Variants in BRI3BP observed in about 807,000 individuals in gnomAD.
BRI3BP encodes the protein BRI3-binding protein.
BRI3BP carries 7 observed loss-of-function variants against 15.8 expected under a neutral mutation model. That is an observed-to-expected ratio of 0.44 (90% CI 0.25 to 0.83). The LOEUF (loss-of-function observed/expected upper bound fraction) is 0.83. Among genes scored for constraint, BRI3BP ranks in the 40% least tolerant of loss-of-function variants. The pLI is 0.20. For missense variants in BRI3BP, 320 were observed against 339.3 expected, an observed-to-expected ratio of 0.94 and a Z score of 0.45; for synonymous variants, 192 against 163.5, an observed-to-expected ratio of 1.17 and a Z score of -1.33.
At chr12:125,047,718 A>G in the BRI3BP span, among the ~76,000 whole-genome samples, 1 of 151,290 alleles carries the variant, frequency 6.6e-6, no homozygotes, top group Admixed American at 6.6e-5. Flanking sequence ...TTTTTTTGAG[A>G]CTGAGTCTCG....
chr12:125,019,699 C>T (rs936609440), intron 2 of BRI3BP, among the ~76,000 whole-genome samples: 1 of 128,990 alleles, frequency 7.8e-6, no homozygotes, highest in Non-Finnish European at 1.6e-5. Flanking sequence ...CAGTGACAAA[C>T]ATGGCTCACA....
chr12:125,002,131 G>A (rs530474084), intron 1 of BRI3BP, among the ~76,000 whole-genome samples: 1 of 152,254 alleles, frequency 6.6e-6, no homozygotes, highest in African/African-American at 2.4e-5. Flanking sequence ...TTCGGTTTAT[G>A]TCACTTTTTG....
At chr12:125,020,037 G>A (rs1392991282) in intron 2 of BRI3BP, among the ~76,000 whole-genome samples, 6 of 145,606 alleles carry the variant, frequency 4.1e-5, no homozygotes, top group African/African-American at 1.0e-4. Flanking sequence ...TCAGCCTCCC[G>A]GGTTCCAGTG....
At chr12:125,006,428 GTTCT>G (rs1332338772) in intron 1 of BRI3BP, among the ~76,000 whole-genome samples, 1 of 152,170 alleles carries the variant, frequency 6.6e-6, no homozygotes, top group African/African-American at 2.4e-5. Flanking sequence ...GACAGGTGCC[GTTCT>G]TTCCACCGTG....
At chr12:124,995,748 G>A (rs1230101570) in intron 1 of BRI3BP, among the ~76,000 whole-genome samples, 1 of 152,204 alleles carries the variant, frequency 6.6e-6, no homozygotes, top group Non-Finnish European at 1.5e-5. Context: ...GAGACACAGA[G>A]CAGTGAAGTG....
chr12:125,046,760 A>G, the BRI3BP span, among the ~76,000 whole-genome samples: 2 of 152,220 alleles, frequency 1.3e-5, no homozygotes, highest in Non-Finnish European at 2.9e-5. Context: ...GCGTGTTTTT[A>G]CATTTATTTT....
chr12:125,023,251 G>T (rs900197030), intron 2 of BRI3BP, among the ~76,000 whole-genome samples: 35 of 152,022 alleles, frequency 2.3e-4, no homozygotes, highest in Admixed American at 9.8e-4. Context: ...TGATGCATGT[G>T]GTGCTCTGGA....
intron 1 of BRI3BP, among the ~76,000 whole-genome samples, chr12:125,008,103 G>A (rs950616306): frequency 5.4e-5 from 7 of 128,668 alleles, no homozygotes; most frequent in Middle Eastern, 8.0e-3. Context: ...AAGCTCCTGG[G>A]TGATGCTGCT....
chr12:125,039,707 C>T, the BRI3BP span, among the ~76,000 whole-genome samples: 5 of 151,642 alleles, frequency 3.3e-5, no homozygotes, highest in Non-Finnish European at 7.4e-5. Context: ...TAAAAGGGTT[C>T]GTTCATTCAT....
intron 1 of BRI3BP, among the ~76,000 whole-genome samples, chr12:125,009,016 C>A (rs1448666990): frequency 1.2e-4 from 18 of 151,556 alleles, no homozygotes; most frequent in Admixed American, 1.2e-3. Context: ...CGCTCTGTTG[C>A]CCAGGTTGGA....
intron 2 of BRI3BP, among the ~76,000 whole-genome samples, chr12:125,022,541 A>ATTTTTTT (rs770844998): frequency 2.3e-4 from 32 of 139,354 alleles, no homozygotes; most frequent in South Asian, 4.5e-4. Flanking sequence ...TTATTTATTT[A>ATTTTTTT]TTTTTTGAGA....
intron 2 of BRI3BP, among the ~76,000 whole-genome samples, chr12:125,013,375 G>A (rs1183051543): frequency 2.6e-5 from 4 of 152,188 alleles, no homozygotes; most frequent in Admixed American, 1.3e-4. Context: ...TGTTGAAACC[G>A]TTGAGTTCGA....
chr12:125,035,174 C>T (rs888411675), downstream of BRI3BP, among the ~76,000 whole-genome samples: 3 of 152,122 alleles, frequency 2.0e-5, no homozygotes. Flanking sequence ...TTTGTATGAA[C>T]ATACTTTTCA....
chr12:125,024,869 T>C (rs1362204909), intron 2 of BRI3BP, 122 bp from the exon 3 acceptor site: 5 of 809,014 alleles, frequency 6.2e-6, no homozygotes, highest in Non-Finnish European at 9.6e-6. Flanking sequence ...CTTCCTTGAG[T>C]TCCTTTGGTT....
intron 1 of BRI3BP, among the ~76,000 whole-genome samples, chr12:125,011,195 C>T (rs1315911999): frequency 6.6e-6 from 1 of 151,818 alleles, no homozygotes; most frequent in South Asian, 2.1e-4. Context: ...ATTATGGCAG[C>T]ACTCTGCGTG....
rs1594535802 is a variant in BRI3BP, at chr12:125,018,630, A to C, written c.316+5994A>C. On this transcript the variant is annotated intron_variant, in intron 2 of 2. Coordinates refer to ENST00000341446, the MANE Select transcript of BRI3BP (RefSeq NM_080626.6). ...AGCCCTGCTGACACGCTGTTCACAG[A>C]CTTCCAGCCTCCAAACAAACTGAGA... Among the ~76,000 whole-genome samples the C allele has an allele frequency of 2.0e-5, 3 of 150,802 alleles. No homozygotes were observed. In the South Asian group the frequency reaches 6.3e-4, roughly 32 times the overall value.
chr12:125,039,858 T>C, the BRI3BP span, among the ~76,000 whole-genome samples: 5 of 152,344 alleles, frequency 3.3e-5, no homozygotes, highest in Non-Finnish European at 7.3e-5. Context: ...AATGGAATTT[T>C]CTAGAGGCCA....
chr12:125,025,069 T>G lies in BRI3BP; in HGVS notation c.395T>G (p.Val132Gly). The G allele has an allele frequency of 6.2e-7, 1 of 1,613,642 alleles. No homozygotes were observed. Among genetic ancestry groups the G allele is most frequent in the Non-Finnish European group, 8.5e-7 (1 of 1,180,014 alleles). The change falls in exon 3 of 3, where the codon GTC becomes GGC. Residue 132 changes from valine to glycine, a missense_variant. Coordinates refer to ENST00000341446, the MANE Select transcript of BRI3BP (RefSeq NM_080626.6). ...PARALLLVGV[V>G]LLAYWFLSLT... ...CGCGCGCTCCTGCTGGTCGGCGTCG[T>G]CCTCCTGGCCTACTGGTTCTTGTCC...
In BRI3BP at chr12:125,025,653, G is replaced by A. The variant is rs1016441562; in HGVS notation, c.*223G>A. 1.9e-6 allele frequency: 1 copy of A among 513,278 alleles called. No homozygotes were observed. The highest frequency in any genetic ancestry group is 3.7e-5 in the Admixed American group (1 of 27,348). 31.8% of individuals were successfully genotyped at this position (513,278 alleles called of 1,614,324 possible). On this transcript the variant is annotated 3_prime_UTR_variant, in exon 3 of 3. Coordinates refer to ENST00000341446, the MANE Select transcript of BRI3BP (RefSeq NM_080626.6). ...ACTACACACGAAGTGTAATTAGTGG[G>A]GGAAAAAATATTTTTTAAACAAAGG...
Sources: allele counts gnomAD v4.1 joint callset (sites outside exome capture counted in the v4.1 genomes callset), GRCh38; gene constraint gnomAD v4.1.1; transcripts MANE v1.5; gene names NCBI Gene and HGNC (gene_info 2026-07-23, HGNC 2026-07-21).